Variants in TTLL5 observed in about 807,000 individuals in gnomAD.
TTLL5 encodes tubulin tyrosine ligase like 5, also known as tubulin polyglutamylase TTLL5.
Under a neutral mutation model 168.4 loss-of-function variants are expected in TTLL5, and 132 were observed. The observed-to-expected ratio is 0.78, with a 90% CI of 0.68 to 0.91. TTLL5 has a LOEUF of 0.91. Ranked by LOEUF, TTLL5 falls within the 40% of genes least tolerant of loss-of-function variation. The pLI, the probability that TTLL5 is intolerant of heterozygous loss-of-function variation, is 0.00. For synonymous variants in TTLL5, 546 were observed against 558.6 expected, an observed-to-expected ratio of 0.98 and a Z score of 0.32; for missense variants, 1,545 against 1,581.5, an observed-to-expected ratio of 0.98 and a Z score of 0.39.
intron 31 of TTLL5, among the ~76,000 whole-genome samples, chr14:75,922,658 G>A (rs575482375): frequency 2.7e-4 from 41 of 152,248 alleles, no homozygotes; most frequent in African/African-American, 8.9e-4. Context: ...TTTTCGCATA[G>A]ATGTTCATCA....
At chr14:75,680,573 G>T (rs1257252731) in intron 3 of TTLL5, among the ~76,000 whole-genome samples, 1 of 151,018 alleles carries the variant, frequency 6.6e-6, no homozygotes, top group Admixed American at 6.6e-5. Flanking sequence ...AGATGTACTG[G>T]TAATCAGCAT....
At chr14:75,881,228 C>T (rs1400270617) in intron 29 of TTLL5, among the ~76,000 whole-genome samples, 1 of 152,216 alleles carries the variant, frequency 6.6e-6, no homozygotes, top group Non-Finnish European at 1.5e-5. Context: ...CTTTGTTCCT[C>T]TTCTGTGGAT....
chr14:75,929,447 CTTTTTT>C (rs370380415), intron 31 of TTLL5, among the ~76,000 whole-genome samples: 1 of 120,868 alleles, frequency 8.3e-6, no homozygotes, highest in African/African-American at 3.1e-5. Context: ...ATAAAGATAC[CTTTTTT>C]TTTTTTTTTT....
chr14:75,887,166 C>G (rs2032164585), intron 30 of TTLL5: 4 of 1,018,232 alleles, frequency 3.9e-6, no homozygotes, highest in Non-Finnish European at 4.7e-6. Flanking sequence ...GGGAGGAAAG[C>G]CATCAGGACT....
intron 26 of TTLL5, among the ~76,000 whole-genome samples, chr14:75,784,097 C>T (rs1253587369): frequency 1.3e-5 from 2 of 152,140 alleles, no homozygotes; most frequent in Non-Finnish European, 2.9e-5. Context: ...TATCTATCTT[C>T]ACAGACTTGT....
intron 25 of TTLL5, 22 bp downstream of exon 25, chr14:75,782,595 T>C: frequency 6.3e-7 from 1 of 1,588,586 alleles, no homozygotes. Context: ...CAAACCTACC[T>C]AGATTTGCTG....
chr14:75,914,807 T>C (rs1485644651), intron 31 of TTLL5, among the ~76,000 whole-genome samples: 1 of 152,100 alleles, frequency 6.6e-6, no homozygotes, highest in African/African-American at 2.4e-5. Flanking sequence ...GTATTTTCAG[T>C]AGAGACGGAG....
intron 15 of TTLL5, among the ~76,000 whole-genome samples, chr14:75,743,210 T>A (rs1329812276): frequency 2.0e-5 from 3 of 152,214 alleles, no homozygotes; most frequent in Non-Finnish European, 4.4e-5. Context: ...CATCATGGAG[T>A]TGCCAATCAG....
intron 26 of TTLL5, among the ~76,000 whole-genome samples, chr14:75,786,466 G>A (rs1359303897): frequency 6.6e-6 from 1 of 152,044 alleles, no homozygotes; most frequent in Non-Finnish European, 1.5e-5. Context: ...TCAGGTAGTT[G>A]GGATTCTTTA....
At chr14:75,925,118 GCGGC>G (rs2033982504) in intron 31 of TTLL5, among the ~76,000 whole-genome samples, 5 of 148,520 alleles carry the variant, frequency 3.4e-5, no homozygotes, top group African/African-American at 5.0e-5. Context: ...CCCGGACGGG[GCGGC>G]TGGCCGGGCG....
intron 5 of TTLL5, chr14:75,689,576 A>G (rs546409731): frequency 6.6e-6 from 1 of 152,338 alleles, no homozygotes; most frequent in East Asian, 1.9e-4. Flanking sequence ...AATCTCCAAA[A>G]ATTAAACAAT....
Position 75,746,891 on chromosome 14 carries a change from G to A in TTLL5, c.1487+1310G>A, listed in dbSNP as rs560969338. On this transcript the variant is annotated intron_variant, in intron 17 of 31. Transcript: ENST00000298832. ...AGCTGATTTTCAGCAGTTTGATTAT[G>A]ATGTGCCTTGGTGTCATTTTCTTCA... is the stretch of plus-strand genomic sequence containing the variant. Among the ~76,000 whole-genome samples, 5 of 152,216 alleles carry A rather than the reference G, an allele frequency of 3.3e-5. No individual in the cohort carries two copies. In the South Asian group the frequency reaches 1.0e-3, roughly 32 times the overall value.
chr14:75,799,215 A>G (rs1380218397), intron 27 of TTLL5, among the ~76,000 whole-genome samples: 3 of 152,136 alleles, frequency 2.0e-5, no homozygotes, highest in African/African-American at 7.2e-5. Flanking sequence ...ATCATTACGT[A>G]ATGTCCCTCT....
chr14:75,668,204 A>G (rs1883441431), intron 2 of TTLL5, among the ~76,000 whole-genome samples: 1 of 152,200 alleles, frequency 6.6e-6, no homozygotes, highest in African/African-American at 2.4e-5. Context: ...CATTTAAGGA[A>G]TTATCAGTTT....
chr14:75,830,431 G>C (rs979869079), intron 28 of TTLL5, among the ~76,000 whole-genome samples: 2 of 152,172 alleles, frequency 1.3e-5, no homozygotes, highest in Non-Finnish European at 2.9e-5. Flanking sequence ...TAAGAGAGTA[G>C]ATTTTAACTC....
chr14:75,686,934 A>T (rs1259675490), intron 5 of TTLL5, among the ~76,000 whole-genome samples: 1 of 152,226 alleles, frequency 6.6e-6, no homozygotes, highest in Non-Finnish European at 1.5e-5. Context: ...GATTTATAAT[A>T]GTGAATAGCA....
chr14:75,773,927 T>TATATAGAGAGAG (rs1354936334), intron 21 of TTLL5, among the ~76,000 whole-genome samples: 29 of 21,116 alleles, frequency 1.4e-3, no homozygotes, highest in Admixed American at 3.5e-3. Context: ...TATATATATA[T>TATATAGAGAGAG]AGAGAGAGAG....
intron 15 of TTLL5, among the ~76,000 whole-genome samples, chr14:75,739,347 A>G (rs917699370): frequency 1.3e-5 from 2 of 151,770 alleles, no homozygotes; most frequent in Admixed American, 6.6e-5. Flanking sequence ...CTATTTTGTC[A>G]TTGTCTTTCT....
chr14:75,922,590 T>C (rs1021438856), intron 31 of TTLL5, among the ~76,000 whole-genome samples: 4 of 152,330 alleles, frequency 2.6e-5, no homozygotes, highest in Admixed American at 2.6e-4. Context: ...CACTTGATCA[T>C]GGTGGATAAG....
Sources: allele counts gnomAD v4.1 joint callset (sites outside exome capture counted in the v4.1 genomes callset), GRCh38; gene constraint gnomAD v4.1.1; transcripts MANE v1.5; gene names NCBI Gene and HGNC (gene_info 2026-07-23, HGNC 2026-07-21).